Variants in ST6GALNAC3 observed in about 807,000 individuals in gnomAD.
ST6GALNAC3 encodes ST6 N-acetylgalactosaminide alpha-2,6-sialyltransferase 3.
Under a neutral mutation model 32.7 loss-of-function variants are expected in ST6GALNAC3, and 25 were observed. That is an observed-to-expected ratio of 0.76 (90% CI 0.56 to 1.07). The LOEUF (loss-of-function observed/expected upper bound fraction) is 1.07, where lower values mean the gene tolerates loss of function less well. Among genes scored for constraint, ST6GALNAC3 ranks in the 50% least tolerant of loss-of-function variants. The pLI is 0.00. For synonymous variants in ST6GALNAC3, 129 were observed against 133.1 expected (o/e 0.97, Z 0.21); for missense variants, 355 against 382.4 (o/e 0.93, Z 0.60).
intron 3 of ST6GALNAC3, among the ~76,000 whole-genome samples, chr1:76,512,064 C>A (rs1169765111): frequency 6.6e-6 from 1 of 152,104 alleles, no homozygotes; most frequent in Non-Finnish European, 1.5e-5. Flanking sequence ...ATCTTAGGAT[C>A]CAAGTTTGGA....
At chr1:76,301,888 A>C (rs1379993192) in intron 1 of ST6GALNAC3, among the ~76,000 whole-genome samples, 1 of 151,892 alleles carries the variant, frequency 6.6e-6, no homozygotes, top group East Asian at 1.9e-4. Flanking sequence ...AATCTCAAAA[A>C]GGTATTTTGC....
chr1:76,246,029 T>C (rs1482636175), intron 1 of ST6GALNAC3, among the ~76,000 whole-genome samples: 2 of 152,206 alleles, frequency 1.3e-5, no homozygotes, highest in East Asian at 1.9e-4. Flanking sequence ...TTACTATTAT[T>C]GCATGGAAGT....
chr1:76,196,738 C>CA lies in ST6GALNAC3; in HGVS notation c.19-117066dup, dbSNP rs567651947. ...ACCTCGGCCTCCCAAAGTGCTATTA[C>CA]AGGTGTGAGCCACTGTACCTGGCCT... On this transcript the variant is annotated intron_variant, in intron 1 of 4. Transcript: ENST00000328299. Among the ~76,000 whole-genome samples the CA allele has an allele frequency of 1.6e-4, 25 of 152,262 alleles. No individual in the cohort carries two copies. The East Asian group carries it at 4.8e-3, about 29-fold the overall frequency.
chr1:76,548,824 A>G (rs1664449493), intron 3 of ST6GALNAC3, among the ~76,000 whole-genome samples: 1 of 151,946 alleles, frequency 6.6e-6, no homozygotes, highest in Non-Finnish European at 1.5e-5. Context: ...TTTTCTCTTC[A>G]TGGCATTTAC....
intron 1 of ST6GALNAC3, among the ~76,000 whole-genome samples, chr1:76,215,740 G>GT (rs1655419776): frequency 6.6e-6 from 1 of 152,200 alleles, no homozygotes; most frequent in African/African-American, 2.4e-5. Flanking sequence ...CTGAAGAAGA[G>GT]TAGGAAGAGG....
intron 3 of ST6GALNAC3, among the ~76,000 whole-genome samples, chr1:76,479,193 C>T (rs1380356866): frequency 1.3e-5 from 2 of 152,188 alleles, no homozygotes; most frequent in Non-Finnish European, 2.9e-5. Context: ...TGTATCTTCA[C>T]AGAGGTTACT....
intron 1 of ST6GALNAC3, among the ~76,000 whole-genome samples, chr1:76,199,157 C>A (rs575947817): frequency 6.6e-6 from 1 of 152,150 alleles, no homozygotes; most frequent in Non-Finnish European, 1.5e-5. Context: ...TCTTCTGAAA[C>A]GATTGGATCC....
chr1:76,189,389 C>T (rs1292254585), intron 1 of ST6GALNAC3, among the ~76,000 whole-genome samples: 1 of 152,164 alleles, frequency 6.6e-6, no homozygotes, highest in African/African-American at 2.4e-5. Context: ...GGATCCACCT[C>T]TGTATGCAGT....
intron 3 of ST6GALNAC3, among the ~76,000 whole-genome samples, chr1:76,528,618 C>A (rs914936438): frequency 2.0e-5 from 3 of 151,784 alleles, no homozygotes; most frequent in Non-Finnish European, 4.4e-5. Context: ...TTGAAAATGT[C>A]GTTTGTGGCT....
intron 1 of ST6GALNAC3, among the ~76,000 whole-genome samples, chr1:76,091,776 T>G (rs1232535564): frequency 6.6e-6 from 1 of 152,230 alleles, no homozygotes; most frequent in African/African-American, 2.4e-5. Context: ...GGCTATACCA[T>G]GTAGCCTAGG....
chr1:76,574,847 C>T (rs1161041127), intron 3 of ST6GALNAC3, among the ~76,000 whole-genome samples: 1 of 152,040 alleles, frequency 6.6e-6, no homozygotes, highest in African/African-American at 2.4e-5. Flanking sequence ...TTTGATCTGC[C>T]ACTCGCTTGT....
At chr1:76,349,100 T>A (rs1284477798) in intron 2 of ST6GALNAC3, among the ~76,000 whole-genome samples, 1 of 152,178 alleles carries the variant, frequency 6.6e-6, no homozygotes, top group Non-Finnish European at 1.5e-5. Context: ...TTTAAAAAAA[T>A]CAGTTCTTCT....
intron 2 of ST6GALNAC3, among the ~76,000 whole-genome samples, chr1:76,390,281 C>T (rs1652431906): frequency 6.6e-6 from 1 of 152,146 alleles, no homozygotes; most frequent in Non-Finnish European, 1.5e-5. Context: ...CCATTGTCTA[C>T]AGCTGTTATC....
At chr1:76,272,145 G>A (rs546239925) in intron 1 of ST6GALNAC3, among the ~76,000 whole-genome samples, 4 of 151,976 alleles carry the variant, frequency 2.6e-5, no homozygotes, top group Non-Finnish European at 5.9e-5. Flanking sequence ...GGCCAATATG[G>A]TGAAATCCCA....
chr1:76,599,110 TAGA>T (rs1240144740), intron 3 of ST6GALNAC3, among the ~76,000 whole-genome samples: 2 of 152,308 alleles, frequency 1.3e-5, no homozygotes, highest in East Asian at 1.9e-4. Context: ...ATAAGTTTGA[TAGA>T]AGAATGCCAT....
chr1:76,509,832 A>AC lies in ST6GALNAC3; in HGVS notation c.623+97420dup, dbSNP rs1317492987. 3.9e-5 allele frequency among the ~76,000 whole-genome samples: 6 copies of AC among 151,916 alleles called. No individual in the cohort carries two copies. The highest frequency in any genetic ancestry group is 7.3e-5 in the African/African-American group (3 of 41,342). On this transcript the variant is annotated intron_variant, in intron 3 of 4. Coordinates refer to ENST00000328299, the MANE Select transcript of ST6GALNAC3 (RefSeq NM_152996.4). This position sits in a 1 kb window ranked among gnomAD's most constrained non-coding sequence, Gnocchi z 5.5. ...CTGTTTCTCTATTTCTCTTTTAAGG[A>AC]CCCCCATGGTTACATTGGGCCAGAA...
intron 2 of ST6GALNAC3, among the ~76,000 whole-genome samples, chr1:76,323,984 C>A (rs1322002330): frequency 1.3e-5 from 2 of 152,042 alleles, no homozygotes; most frequent in African/African-American, 4.8e-5. Flanking sequence ...CTCAGCCTCC[C>A]AAGTAGTTGG....
At chr1:76,397,405 C>T (rs1200446145) in intron 2 of ST6GALNAC3, among the ~76,000 whole-genome samples, 1 of 133,354 alleles carries the variant, frequency 7.5e-6, no homozygotes, top group Non-Finnish European at 1.6e-5. Flanking sequence ...GAGTTTCACA[C>T]TTGTTGCCCA....
At chr1:76,204,675 A>T (rs1416217922) in intron 1 of ST6GALNAC3, among the ~76,000 whole-genome samples, 1 of 152,188 alleles carries the variant, frequency 6.6e-6, no homozygotes, top group African/African-American at 2.4e-5. Flanking sequence ...AGGCAGTATC[A>T]CTATTTTTCT....
Sources: gnomAD v4.1 joint callset for allele counts (sites outside exome capture counted in the v4.1 genomes callset) on GRCh38, gnomAD v4.1.1 for gene constraint, Gnocchi (gnomAD v3.1) non-coding constraint, MANE v1.5 for transcripts, NCBI Gene and HGNC (gene_info 2026-07-23, HGNC 2026-07-21) for gene names.